CCDC146: variants seen among roughly 807,000 people sequenced by gnomAD.
The protein encoded by CCDC146 is coiled-coil domain-containing protein 146.
In CCDC146, 92 loss-of-function variants were observed where a neutral mutation model predicts 119.3. The ratio of observed to expected loss-of-function variants is 0.77; its 90% CI spans 0.65 to 0.92. The LOEUF (loss-of-function observed/expected upper bound fraction) is 0.92. Among genes scored for constraint, CCDC146 ranks in the 40% least tolerant of loss-of-function variants. The probability of loss-of-function intolerance (pLI) is 0.00; values close to 1 mark genes in which losing one functional copy is unlikely to be tolerated. For missense variants in CCDC146, 1,000 were observed against 1,103.0 expected (o/e 0.91, Z 1.32); for synonymous variants, 372 against 371.8 (o/e 1.00, Z -0.01).
At chr7:77,201,079 C>T (rs1411925750) in intron 2 of CCDC146, among the ~76,000 whole-genome samples, 2 of 152,202 alleles carry the variant, frequency 1.3e-5, no homozygotes, top group African/African-American at 4.8e-5. Flanking sequence ...ACTCTTTACT[C>T]TTCCATGACT....
chr7:77,135,249 A>G (rs1023044951), intron 1 of CCDC146, among the ~76,000 whole-genome samples: 3 of 152,178 alleles, frequency 2.0e-5, no homozygotes, highest in Non-Finnish European at 4.4e-5. Flanking sequence ...GCACTTTGGG[A>G]GGCCATCGTG....
chr7:77,230,491 G>GGTAT (rs1554354613), intron 2 of CCDC146, among the ~76,000 whole-genome samples: 4 of 73,290 alleles, frequency 5.5e-5, no homozygotes, highest in African/African-American at 2.4e-4. Flanking sequence ...TTGGTTGACA[G>GGTAT]GTATGTGTGT....
At chr7:77,255,478 G>A (rs1584115818) in intron 5 of CCDC146, 1 of 152,156 alleles carries the variant, frequency 6.6e-6, no homozygotes. Context: ...AATAAAACCT[G>A]TTTAGCATAG....
In CCDC146 at chr7:77,211,716, A is replaced by G. The variant is rs1051352031; in HGVS notation, c.157-25231A>G. Among the ~76,000 whole-genome samples, 3 of 152,034 alleles carry G rather than the reference A, an allele frequency of 2.0e-5. No individual in the cohort carries two copies. In the East Asian group the frequency reaches 5.8e-4, roughly 29 times the overall value. On this transcript the variant is annotated intron_variant, in intron 2 of 18. Coordinates refer to ENST00000285871, the MANE Select transcript of CCDC146 (RefSeq NM_020879.3). ...CTGTAACCTCCACCTCCTGGATTCA[A>G]ATGATTCTCCTGCCTCAGCCTCCTG...
intron 2 of CCDC146, among the ~76,000 whole-genome samples, chr7:77,228,937 C>A (rs1434662827): frequency 6.6e-6 from 1 of 152,158 alleles, no homozygotes; most frequent in Non-Finnish European, 1.5e-5. Context: ...GTCAATCAGC[C>A]CATCACCTAG....
At chr7:77,259,874 A>G (rs933645952) in intron 7 of CCDC146, 135 bp from the exon 8 acceptor site, 14 of 642,290 alleles carry the variant, frequency 2.2e-5, no homozygotes, top group South Asian at 8.0e-5. Context: ...ATTTATGACT[A>G]TCTCTTCTGC....
At chr7:77,145,232 T>C (rs1301738411) in intron 1 of CCDC146, among the ~76,000 whole-genome samples, 3 of 151,868 alleles carry the variant, frequency 2.0e-5, no homozygotes. Flanking sequence ...TCTCTGATGA[T>C]AGTTTGTATT....
Position 77,236,934 on chromosome 7 carries a change from T to C in CCDC146, c.157-13T>C, listed in dbSNP as rs768964693. 2 of 1,603,730 alleles carry C rather than the reference T, an allele frequency of 1.2e-6. No homozygotes were observed. Among genetic ancestry groups the C allele is most frequent in the East Asian group, 2.2e-5 (1 of 44,828 alleles). ...AATGGTGATTAACAGTGACCTTATG[T>C]TCTCTTTGCTAGTTACATGCTATGG... On this transcript the variant is annotated splice_polypyrimidine_tract_variant and intron_variant, in intron 2 of 18. Transcript: ENST00000285871.
chr7:77,230,319 G>C (rs528667813), intron 2 of CCDC146, among the ~76,000 whole-genome samples: 1 of 151,962 alleles, frequency 6.6e-6, no homozygotes, highest in African/African-American at 2.4e-5. Context: ...GCTTTTTCAC[G>C]TGGATTTGAG....
Position 77,287,552 on chromosome 7 carries a change from A to C in CCDC146, c.2390A>C (p.Gln797Pro). 6.2e-7 allele frequency: 1 copy of C among 1,613,832 alleles called. No homozygotes were observed. The highest frequency in any genetic ancestry group is 1.1e-5 in the South Asian group (1 of 91,072). The stretch of plus-strand genomic sequence containing the variant: ...TGCAGCAAAACTCAGGGCTGCAAGC[A>C]GGACACACTGCTCTTAGCCAAGAAG... ...RLCSKTQGCKQDTLLLAKKMN... is the reference protein window; with the variant it reads ...RLCSKTQGCKPDTLLLAKKMN... Residue 797 changes from glutamine (Q) to proline (P), a missense_variant, in exon 17 of 19, where the codon CAG becomes CCG. Physicochemically the swap from Gln to Pro is moderately conservative, Grantham distance 76. Around this residue, in one of 2 missense-constraint regions of CCDC146, gnomAD observed 985 missense variants for 1,045.3 expected, o/e 0.94. Coordinates refer to ENST00000285871, the MANE Select transcript of CCDC146 (RefSeq NM_020879.3).
chr7:77,278,807 T>C lies in CCDC146; in HGVS notation c.1496T>C (p.Ile499Thr). 1.9e-6 allele frequency: 3 copies of C among 1,613,092 alleles called. No homozygotes were observed. The highest frequency in any genetic ancestry group is 2.5e-6 in the Non-Finnish European group (3 of 1,179,456). Reference sequence around the variant, plus strand: ...AAAGCAAAGGATCTTGAAATCAGGATACACAAGAAGAAAAAATGTGAAATT... The same window carrying C: ...AAAGCAAAGGATCTTGAAATCAGGACACACAAGAAGAAAAAATGTGAAATT... The part of the protein sequence containing the change: ...EMKAKDLEIR[I>T]HKKKKCEIYR... The change falls in exon 12 of 19, where the codon ATA (isoleucine) becomes ACA (threonine). Residue 499 changes from isoleucine (I) to threonine (T), a missense_variant. Ile to Thr is a moderately conservative substitution (Grantham distance 89). This residue lies in a region of CCDC146 where 985 missense variants were observed against 1,045.3 expected (regional missense o/e 0.94). Transcript: ENST00000285871.
chr7:77,172,445 C>T (rs1257925901), intron 2 of CCDC146, among the ~76,000 whole-genome samples: 1 of 152,200 alleles, frequency 6.6e-6, no homozygotes, highest in Non-Finnish European at 1.5e-5. Context: ...AGTTGCTTGG[C>T]ATAGCATTGG....
chr7:77,163,063 G>A (rs1791285537), intron 1 of CCDC146, among the ~76,000 whole-genome samples: 1 of 152,188 alleles, frequency 6.6e-6, no homozygotes, highest in Non-Finnish European at 1.5e-5. Context: ...CTTATCATTT[G>A]TTGCCTAGGT....
At chr7:77,236,897 A>G (rs1278593770) in intron 2 of CCDC146, 50 bp from the exon 3 acceptor site, 1 of 1,363,926 alleles carries the variant, frequency 7.3e-7, no homozygotes, top group Non-Finnish European at 1.0e-6. Context: ...TCCCCTGCTT[A>G]AGCCTAAAGA....
chr7:77,187,346 C>T (rs958709766), intron 2 of CCDC146, among the ~76,000 whole-genome samples: 1 of 152,104 alleles, frequency 6.6e-6, no homozygotes, highest in East Asian at 1.9e-4. Flanking sequence ...TTTCTTAAAG[C>T]CTTAGTTTGA....
chr7:77,207,918 T>C (rs1792109657), intron 2 of CCDC146, among the ~76,000 whole-genome samples: 1 of 152,216 alleles, frequency 6.6e-6, no homozygotes, highest in Non-Finnish European at 1.5e-5. Context: ...GATCTACCTC[T>C]TTTTAGGTAT....
rs1241501094 is a variant in CCDC146 at position 77,130,667 on chromosome 7, C to T, written c.-12+7935C>T. 3.4e-5 allele frequency among the ~76,000 whole-genome samples: 5 copies of T among 145,506 alleles called. 1 individual carries two copies. The highest frequency in any genetic ancestry group is 1.0e-4 in the African/African-American group (4 of 38,578). On this transcript the variant is annotated intron_variant, in intron 1 of 18. Transcript: ENST00000285871. ...AGGCTGGAGTGCAGTGGCGCGATCT[C>T]GACTCACTGCAAGCTCCGCCTCCCA... is the stretch of plus-strand genomic sequence containing the variant.
At chr7:77,284,953 C>T (rs757324288) in intron 15 of CCDC146, among the ~76,000 whole-genome samples, 1 of 151,868 alleles carries the variant, frequency 6.6e-6, no homozygotes, top group African/African-American at 2.4e-5. Flanking sequence ...CATATCCTGT[C>T]ATTTTTTACA....
At chr7:77,195,199 A>G (rs1313390232) in intron 2 of CCDC146, 1 of 142,192 alleles carries the variant, frequency 7.0e-6, no homozygotes, top group African/African-American at 2.6e-5. Flanking sequence ...GTAGTCTAGT[A>G]CAGTAGTGAG....
Sources: gnomAD v4.1 joint callset for allele counts (sites outside exome capture counted in the v4.1 genomes callset) on GRCh38, gnomAD v4.1.1 for gene constraint, gnomAD v4.1.1 regional missense constraint, MANE v1.5 for transcripts, NCBI Gene and HGNC (gene_info 2026-07-23, HGNC 2026-07-21) for gene names.